RLF: variants seen among roughly 807,000 people sequenced by gnomAD.
RLF encodes the protein RLF zinc finger.
In RLF, 7 loss-of-function variants were observed where a neutral mutation model predicts 162.9. The observed-to-expected ratio is 0.04, with a 90% CI of 0.02 to 0.08. The LOEUF is 0.08. Among genes scored for constraint, RLF ranks in the 10% least tolerant of loss-of-function variants. The probability of loss-of-function intolerance (pLI) is 1.00; values close to 1 mark genes in which losing one functional copy is unlikely to be tolerated. For synonymous variants in RLF, 782 were observed against 791.5 expected (o/e 0.99, Z 0.20); for missense variants, 1,664 against 2,244.7 (o/e 0.74, Z 5.23).
At chr1:40,195,108 C>G (rs1409225321) in intron 3 of RLF, among the ~76,000 whole-genome samples, 1 of 151,314 alleles carries the variant, frequency 6.6e-6, no homozygotes, top group African/African-American at 2.4e-5. Flanking sequence ...GTGCTGAGAT[C>G]ACAGGCATGA....
chr1:40,203,200 T>C (rs1242610710), intron 5 of RLF, among the ~76,000 whole-genome samples: 1 of 148,422 alleles, frequency 6.7e-6, no homozygotes, highest in African/African-American at 2.5e-5. Flanking sequence ...CTGCAGCCTC[T>C]GCCTCCCGGG....
chr1:40,235,789 C>T lies in RLF; in HGVS notation c.1090-3C>T, dbSNP rs752731441. 3 of 1,524,968 alleles carry T rather than the reference C, an allele frequency of 2.0e-6. No homozygotes were observed. Among genetic ancestry groups the T allele is most frequent in the East Asian group, 2.4e-5 (1 of 42,228 alleles). 94.5% of individuals were successfully genotyped at this position (1,524,968 alleles called of 1,614,324 possible). On this transcript the variant is annotated splice_polypyrimidine_tract_variant and splice_region_variant and intron_variant, in intron 7 of 7. Coordinates refer to ENST00000372771, the MANE Select transcript of RLF (RefSeq NM_012421.4). ...TAATTTTTTTATCCTCTTTTACTTA[C>T]AGGCACAAGATGCTGGTCTTGGGGT...
intron 1 of RLF, among the ~76,000 whole-genome samples, chr1:40,175,306 G>A (rs879449737): frequency 2.0e-5 from 3 of 152,002 alleles, no homozygotes; most frequent in Non-Finnish European, 2.9e-5. Context: ...TTATTGTCAC[G>A]TGAAATGGAG....
chr1:40,206,665 A>G (rs1642800481), intron 5 of RLF, among the ~76,000 whole-genome samples: 1 of 152,146 alleles, frequency 6.6e-6, no homozygotes, highest in Non-Finnish European at 1.5e-5. Context: ...TCTATGTGCC[A>G]TGGGCCCTGG....
chr1:40,229,268 A>T (rs1283490155), intron 6 of RLF, among the ~76,000 whole-genome samples: 1 of 152,182 alleles, frequency 6.6e-6, no homozygotes. Context: ...TTTAAAAATG[A>T]ACAGTTATCC....
At chr1:40,172,974 C>CTTGTATTA (rs1642266395) in intron 1 of RLF, among the ~76,000 whole-genome samples, 1 of 152,008 alleles carries the variant, frequency 6.6e-6, no homozygotes, top group South Asian at 2.1e-4. Context: ...TTACTAAATC[C>CTTGTATTA]TTGCCAATGC....
chr1:40,187,130 C>A (rs2124534168), intron 1 of RLF, among the ~76,000 whole-genome samples: 1 of 152,040 alleles, frequency 6.6e-6, no homozygotes, highest in Non-Finnish European at 1.5e-5. Flanking sequence ...CTCCCAGGTT[C>A]AAGCGATTTT....
chr1:40,227,066 T>C (rs564139801), intron 6 of RLF, among the ~76,000 whole-genome samples: 121 of 152,292 alleles, frequency 7.9e-4, no homozygotes, highest in African/African-American at 2.9e-3. Flanking sequence ...GGTTTCACCA[T>C]GTGGGCCAGG....
intron 1 of RLF, among the ~76,000 whole-genome samples, chr1:40,167,270 G>A (rs993177509): frequency 1.3e-5 from 2 of 152,152 alleles, no homozygotes; most frequent in African/African-American, 4.8e-5. Context: ...AGGCTCTTGA[G>A]CCTTACCTCT....
intron 1 of RLF, among the ~76,000 whole-genome samples, chr1:40,171,574 A>T (rs1278196094): frequency 1.3e-5 from 2 of 152,196 alleles, no homozygotes; most frequent in Non-Finnish European, 2.9e-5. Context: ...TAAAGTAATA[A>T]AGCAGATGTA....
chr1:40,202,708 C>T, intron 5 of RLF, 94 bp downstream of exon 5: 1 of 755,556 alleles, frequency 1.3e-6, no homozygotes, highest in Middle Eastern at 3.9e-4. Context: ...AGAATGAAAA[C>T]CAAGATTCAT....
At chr1:40,178,364 A>G (rs1475536749) in intron 1 of RLF, among the ~76,000 whole-genome samples, 1 of 152,110 alleles carries the variant, frequency 6.6e-6, no homozygotes, top group Non-Finnish European at 1.5e-5. Flanking sequence ...ACATAGAGAC[A>G]GGAAATAGAA....
At chr1:40,183,741 T>A (rs1376171682) in intron 1 of RLF, among the ~76,000 whole-genome samples, 3 of 145,358 alleles carry the variant, frequency 2.1e-5, no homozygotes, top group Admixed American at 6.9e-5. Flanking sequence ...TTTCCTCATT[T>A]AAAAAAAAAA....
In RLF at chr1:40,181,524, A is replaced by G. The variant is rs539903365; in HGVS notation, c.238-7531A>G. Among the ~76,000 whole-genome samples, 17 of 152,264 alleles carry G rather than the reference A, an allele frequency of 1.1e-4. No individual in the cohort carries two copies. In the East Asian group the frequency reaches 3.3e-3, roughly 29 times the overall value. On this transcript the variant is annotated intron_variant, in intron 1 of 7. Transcript: ENST00000372771. ...ATCATTTTCATTTGACCACATATAC[A>G]AGGATTTATTTCTTGGCTTTCTGTT...
chr1:40,185,393 G>A (rs1195055139), intron 1 of RLF, among the ~76,000 whole-genome samples: 1 of 148,668 alleles, frequency 6.7e-6, no homozygotes, highest in Non-Finnish European at 1.5e-5. Context: ...GCCTCCCAAA[G>A]TGCTGGGATT....
At chr1:40,194,706 A>T (rs2124537952) in intron 3 of RLF, among the ~76,000 whole-genome samples, 1 of 152,192 alleles carries the variant, frequency 6.6e-6, no homozygotes, top group Non-Finnish European at 1.5e-5. Flanking sequence ...CCAAATATCC[A>T]ACAGTAATGC....
intron 1 of RLF, among the ~76,000 whole-genome samples, chr1:40,165,782 C>A (rs146219843): frequency 2.0e-5 from 3 of 151,326 alleles, no homozygotes; most frequent in African/African-American, 7.3e-5. Context: ...CTCAATTCCT[C>A]CCCCCCCTCC....
chr1:40,232,826 T>A (rs1643169595), intron 7 of RLF, among the ~76,000 whole-genome samples: 2 of 152,162 alleles, frequency 1.3e-5, no homozygotes, highest in African/African-American at 4.8e-5. Context: ...CGTCTCAGCC[T>A]CCAGAGTAGC....
intron 5 of RLF, among the ~76,000 whole-genome samples, chr1:40,203,404 A>G (rs1642745614): frequency 6.6e-6 from 1 of 150,884 alleles, no homozygotes; most frequent in South Asian, 2.2e-4. Context: ...TTAGCCAGGC[A>G]TGGTGGTGGG....
Sources: gnomAD v4.1 joint callset for allele counts (sites outside exome capture counted in the v4.1 genomes callset) on GRCh38, gnomAD v4.1.1 for gene constraint, MANE v1.5 for transcripts, NCBI Gene and HGNC (gene_info 2026-07-23, HGNC 2026-07-21) for gene names.